Variants in CCT4 observed in about 807,000 individuals in gnomAD.
CCT4 encodes the protein T-complex protein 1 subunit delta.
In CCT4, 17 loss-of-function variants were observed where a neutral mutation model predicts 62.5. That is an observed-to-expected ratio of 0.27 (90% CI 0.19 to 0.41). The LOEUF (loss-of-function observed/expected upper bound fraction) is 0.41, where lower values mean the gene tolerates loss of function less well. Among genes scored for constraint, CCT4 ranks in the 10% least tolerant of loss-of-function variants. The pLI is 1.00. For synonymous variants in CCT4, 250 were observed against 229.9 expected, an observed-to-expected ratio of 1.09 and a Z score of -0.79; for missense variants, 592 against 659.2, an observed-to-expected ratio of 0.90 and a Z score of 1.12.
chr2:61,888,344 C>T, intron 1 of CCT4, 37 bp downstream of exon 1: 8 of 1,599,870 alleles, frequency 5.0e-6, no homozygotes, highest in Non-Finnish European at 6.8e-6. Flanking sequence ...CAGAGCACAA[C>T]CCCGCGGCGC....
At chr2:61,887,825 G>A (rs1168157039) in intron 1 of CCT4, 1 of 152,208 alleles carries the variant, frequency 6.6e-6, no homozygotes, top group South Asian at 2.1e-4. Flanking sequence ...ATGCGGAGAC[G>A]ACATCAACGT....
At position 61,874,866 on chromosome 2, in the gene CCT4, C is replaced by T. The variant is rs531765492; in HGVS notation, c.917+1229G>A. ...CTACATTTAAAAGGGAAGATAGGGC[C>T]GGGCGTGGTGGCTCATGCCTGTAAC... is the stretch of plus-strand genomic sequence containing the variant. On this transcript the variant is annotated intron_variant, in intron 8 of 13. Coordinates refer to ENST00000394440, the MANE Select transcript of CCT4 (RefSeq NM_006430.4). Among the ~76,000 whole-genome samples, 12 of 152,214 alleles carry T rather than the reference C, an allele frequency of 7.9e-5. No individual in the cohort carries two copies. The East Asian group carries it at 1.7e-3, about 22-fold the overall frequency.
At position 61,880,319 on chromosome 2, in the gene CCT4, G is replaced by A; in HGVS notation, c.346C>T (p.Leu116Phe). ...AGAAGCTTGGTACAAGAATCTAAGA[G>A]GGAGCCAGCAATGATGACTACTGAT... The part of the protein sequence containing the change: ...TTSVVIIAGS[L>F]LDSCTKLLQK... Residue 116 changes from leucine to phenylalanine, a missense_variant, in exon 4 of 14, where the codon CTC (leucine) becomes TTC (phenylalanine). Physicochemically the swap from Leu to Phe is conservative, Grantham distance 22. Transcript: ENST00000394440. The A allele has an allele frequency of 4.4e-6, 7 of 1,602,300 alleles. No individual in the cohort carries two copies. The highest frequency in any genetic ancestry group is 1.1e-5 in the South Asian group (1 of 88,622).
intron 12 of CCT4, 83 bp downstream of exon 12, chr2:61,871,999 A>C: frequency 1.1e-6 from 1 of 915,226 alleles, no homozygotes; most frequent in East Asian, 2.7e-5. Flanking sequence ...TTCATTACAG[A>C]GCTTTCCATT....
chr2:61,885,140 C>T, intron 1 of CCT4, 68 bp from the exon 2 acceptor site: 25 of 1,263,680 alleles, frequency 2.0e-5, no homozygotes, highest in Non-Finnish European at 2.7e-5. Context: ...CAGGGTCTTA[C>T]TATATTGTCC....
At chr2:61,884,750 T>C (rs1669211235) in intron 2 of CCT4, among the ~76,000 whole-genome samples, 1 of 152,014 alleles carries the variant, frequency 6.6e-6, no homozygotes, top group Admixed American at 6.6e-5. Context: ...TGCCACAGCC[T>C]CTCCAGGAGC....
At chr2:61,880,917 G>A (rs1203258650) in intron 3 of CCT4, among the ~76,000 whole-genome samples, 1 of 151,810 alleles carries the variant, frequency 6.6e-6, no homozygotes, top group African/African-American at 2.4e-5. Flanking sequence ...TAGAGACGGG[G>A]CCCCATTATG....
chr2:61,883,468 T>G lies in CCT4; in HGVS notation c.261A>C (p.Ala87=), dbSNP rs1241258793. The part of the protein sequence containing the change: ...ILKQMQVLHP[A]ARMLVELSKA... ...CTAAAATTACACTTACCATTCTGGC[T>G]GCTGGATGTAATACTTGCATTTGTT... Residue 87 remains alanine, a synonymous_variant, in exon 3 of 14, where the codon GCA becomes GCC. Transcript: ENST00000394440. 2 of 1,519,522 alleles carry G rather than the reference T, an allele frequency of 1.3e-6. No individual in the cohort carries two copies. Among genetic ancestry groups the G allele is most frequent in the Non-Finnish European group, 1.8e-6 (2 of 1,105,706 alleles). 94.1% of individuals were successfully genotyped at this position (1,519,522 alleles called of 1,614,324 possible). A position where few individuals can be genotyped will look rare whatever the true frequency, so the allele number is the denominator to read the frequency against.
chr2:61,873,141 A>T (rs372201903), intron 9 of CCT4, 29 bp from the exon 10 acceptor site: 13 of 1,499,356 alleles, frequency 8.7e-6, no homozygotes, highest in Non-Finnish European at 1.1e-5. Context: ...TCCACAAATT[A>T]AGACATTTAT....
chr2:61,888,468 C>CG lies in CCT4; in HGVS notation c.39dup (p.Gly14ArgfsTer33). 6.2e-7 allele frequency: 1 copy of CG among 1,611,998 alleles called. No homozygotes were observed. Among genetic ancestry groups the CG allele is most frequent in the Non-Finnish European group, 8.5e-7 (1 of 1,179,256 alleles). On this transcript the variant is annotated frameshift_variant, in exon 1 of 14. Coordinates refer to ENST00000394440, the MANE Select transcript of CCT4 (RefSeq NM_006430.4). LOFTEE classifies it high-confidence loss of function. ...CCTTTCCCGCGGCCGCCGGCAGCCC[C>CG]GGCAGTCGCCCCGCTCCGGGGTGCC...
chr2:61,877,917 T>C (rs1669035266), intron 5 of CCT4, among the ~76,000 whole-genome samples: 2 of 152,208 alleles, frequency 1.3e-5, no homozygotes. Context: ...TCACTTAACA[T>C]ATGCCAGGCA....
In CCT4 at chr2:61,888,553, C is replaced by G; in HGVS notation, c.-46G>C. ...GGTTGGCTCGGGAAGGACGGATGGA[C>G]CCGGATTCTGGCCGGCCGCAGTGTA... On this transcript the variant is annotated 5_prime_UTR_variant, in exon 1 of 14. Coordinates refer to ENST00000394440, the MANE Select transcript of CCT4 (RefSeq NM_006430.4). 1 of 1,591,410 alleles carries G rather than the reference C, an allele frequency of 6.3e-7. No homozygotes were observed. Among genetic ancestry groups the G allele is most frequent in the Non-Finnish European group, 8.6e-7 (1 of 1,169,020 alleles).
intron 1 of CCT4, among the ~76,000 whole-genome samples, chr2:61,886,914 C>T (rs1669266557): frequency 6.6e-6 from 1 of 152,180 alleles, no homozygotes; most frequent in Non-Finnish European, 1.5e-5. Flanking sequence ...CCTACGCCAA[C>T]ACACCCACCT....
At chr2:61,878,825 C>T (rs749801304) in intron 5 of CCT4, 44 bp downstream of exon 5, 4 of 1,444,280 alleles carry the variant, frequency 2.8e-6, no homozygotes, top group Admixed American at 3.9e-5. Context: ...TAGAGTAACA[C>T]ACTTTTAACT....
In CCT4 at chr2:61,881,200, T is replaced by C. The variant is rs528855493; in HGVS notation, c.271-806A>G. On this transcript the variant is annotated intron_variant, in intron 3 of 13. Coordinates refer to ENST00000394440, the MANE Select transcript of CCT4 (RefSeq NM_006430.4). ...CACGTAGCAGTGAAGTTTTGTTTTATTTAGCAATGCTTTCTTATTTTATGT... is the reference window on the plus strand; with the variant it reads ...CACGTAGCAGTGAAGTTTTGTTTTACTTAGCAATGCTTTCTTATTTTATGT... 1.4e-4 allele frequency among the ~76,000 whole-genome samples: 19 copies of C among 136,034 alleles called. No individual in the cohort carries two copies. The East Asian group carries it at 3.6e-3, about 26-fold the overall frequency. 89.2% of individuals were successfully genotyped at this position (136,034 alleles called of 152,430 possible).
Position 61,868,456 on chromosome 2 carries a change from T to C in CCT4, c.*236A>G. 2.1e-6 allele frequency: 1 copy of C among 479,578 alleles called. No individual in the cohort carries two copies. The highest frequency in any genetic ancestry group is 3.7e-5 in the South Asian group (1 of 27,200). 29.7% of individuals were successfully genotyped at this position (479,578 alleles called of 1,614,324 possible). A position where few individuals can be genotyped will look rare whatever the true frequency, so the allele number is the denominator to read the frequency against. ...CGCTTCTTTTATTAGTTTTTATTAGTTTTTCAAAAGTATCAGAAATAACAG... is the reference window on the plus strand; with the variant it reads ...CGCTTCTTTTATTAGTTTTTATTAGCTTTTCAAAAGTATCAGAAATAACAG... On this transcript the variant is annotated 3_prime_UTR_variant, in exon 14 of 14. Coordinates refer to ENST00000394440, the MANE Select transcript of CCT4 (RefSeq NM_006430.4).
chr2:61,869,536 A>C lies in CCT4; in HGVS notation c.1509T>G (p.Ile503Met). 6.2e-7 allele frequency: 1 copy of C among 1,602,180 alleles called. No individual in the cohort carries two copies. The highest frequency in any genetic ancestry group is 8.6e-7 in the Non-Finnish European group (1 of 1,169,138). Reference protein sequence around the residue: ...INVRKGGISNILEELVVQPLL... With the variant: ...INVRKGGISNMLEELVVQPLL... Reference sequence around the variant, plus strand: ...GAGGCTGGACAACCAGTTCCTCCAAAATGTTGGAAATACCACCCTGCAAAT... The same window carrying C: ...GAGGCTGGACAACCAGTTCCTCCAACATGTTGGAAATACCACCCTGCAAAT... Residue 503 changes from isoleucine to methionine, a missense_variant, in exon 13 of 14, where the codon ATT becomes ATG. Around this residue, in one of 3 missense-constraint regions of CCT4, gnomAD observed 522 missense variants for 571.2 expected, o/e 0.91. Transcript: ENST00000394440.
intron 13 of CCT4, 127 bp downstream of exon 13, chr2:61,869,313 G>C (rs1668836026): frequency 1.6e-6 from 1 of 620,642 alleles, no homozygotes. Context: ...TCCAGCCTGG[G>C]CAACAGAGCA....
intron 1 of CCT4, 45 bp downstream of exon 1, chr2:61,888,336 G>C: frequency 6.3e-7 from 1 of 1,591,870 alleles, no homozygotes; most frequent in Non-Finnish European, 8.6e-7. Flanking sequence ...TGAGAGCGCA[G>C]AGCACAACCC....
Sources: allele counts gnomAD v4.1 joint callset (sites outside exome capture counted in the v4.1 genomes callset), GRCh38; gene constraint gnomAD v4.1.1; regional missense constraint gnomAD v4.1.1; transcripts MANE v1.5; gene names NCBI Gene and HGNC (gene_info 2026-07-23, HGNC 2026-07-21).